Variants in MDGA2 observed in about 807,000 individuals in gnomAD.
The protein encoded by MDGA2 is MAM domain-containing glycosylphosphatidylinositol anchor protein 2.
Under a neutral mutation model 117.8 loss-of-function variants are expected in MDGA2, and 40 were observed. That is an observed-to-expected ratio of 0.34 (90% confidence interval 0.26 to 0.44). MDGA2 has a LOEUF of 0.44. Among genes scored for constraint, MDGA2 ranks in the 20% least tolerant of loss-of-function variants. The pLI is 1.00. For synonymous variants in MDGA2, 452 were observed against 439.0 expected (o/e 1.03, Z -0.37); for missense variants, 1,123 against 1,250.6 (o/e 0.90, Z 1.54).
At chr14:47,625,401 CTTATA>C (rs1276845792) in intron 1 of MDGA2, among the ~76,000 whole-genome samples, 2 of 152,130 alleles carry the variant, frequency 1.3e-5, no homozygotes, top group African/African-American at 4.8e-5. Flanking sequence ...CCTATTAAAA[CTTATA>C]TTAAATTGTA....
chr14:47,361,430 C>T (rs1481718832), intron 1 of MDGA2, among the ~76,000 whole-genome samples: 1 of 152,064 alleles, frequency 6.6e-6, no homozygotes, highest in Non-Finnish European at 1.5e-5. Context: ...TGAAGCCATC[C>T]AGTCTGTGGT....
chr14:47,105,341 C>A (rs1290626631), intron 5 of MDGA2, among the ~76,000 whole-genome samples: 2 of 151,934 alleles, frequency 1.3e-5, no homozygotes, highest in East Asian at 3.9e-4. Flanking sequence ...TGTGCCCCAA[C>A]CCCTTCTCTG....
At chr14:46,968,606 G>C (rs1319608123) in intron 8 of MDGA2, among the ~76,000 whole-genome samples, 1 of 151,980 alleles carries the variant, frequency 6.6e-6, no homozygotes, top group Non-Finnish European at 1.5e-5. Flanking sequence ...AGCCAAGGTG[G>C]GTGGATCACA....
At chr14:47,381,342 C>T (rs142393924) in intron 1 of MDGA2, among the ~76,000 whole-genome samples, 12,200 of 152,046 alleles carry the variant, frequency 0.08, 568 homozygotes, top group Non-Finnish European at 0.09. Context: ...TTCAACATAG[C>T]GTTGGAAGTT....
chr14:47,158,359 G>GGGGT lies in MDGA2; in HGVS notation c.596-14086_596-14085insACCC, dbSNP rs1555358926. The stretch of plus-strand genomic sequence containing the variant: ...CACATTTCTCAGAACATATCCCTGG[G>GGGGT]GTGGGTGTGTGTGTGTGTGTGTGTG... On this transcript the variant is annotated intron_variant, in intron 3 of 16. Transcript: ENST00000399232. Among the ~76,000 whole-genome samples the GGGGT allele has an allele frequency of 1.8e-4, 22 of 120,078 alleles. 1 individual carries two copies. The South Asian group carries it at 4.2e-3, about 23-fold the overall frequency. 78.8% of individuals were successfully genotyped at this position (120,078 alleles called of 152,430 possible). A position where few individuals can be genotyped will look rare whatever the true frequency, so the allele number is the denominator to read the frequency against.
At chr14:47,484,428 G>A (rs996303990) in intron 1 of MDGA2, among the ~76,000 whole-genome samples, 9 of 152,142 alleles carry the variant, frequency 5.9e-5, no homozygotes, top group Non-Finnish European at 1.2e-4. Context: ...CTAAATTAGT[G>A]CTTTAAAAGC....
intron 6 of MDGA2, among the ~76,000 whole-genome samples, chr14:47,081,372 A>C (rs1482871041): frequency 6.6e-6 from 1 of 152,142 alleles, no homozygotes; most frequent in Non-Finnish European, 1.5e-5. Context: ...ATAAAAATCA[A>C]ATATTTTCCA....
intron 2 of MDGA2, among the ~76,000 whole-genome samples, chr14:47,297,632 T>C (rs1889123742): frequency 6.6e-6 from 1 of 152,174 alleles, no homozygotes; most frequent in African/African-American, 2.4e-5. Context: ...AAACCCTTAC[T>C]TTCTTTCTTT....
chr14:47,015,559 G>A (rs149122263), intron 8 of MDGA2, among the ~76,000 whole-genome samples: 8 of 152,174 alleles, frequency 5.3e-5, no homozygotes, highest in African/African-American at 1.2e-4. Flanking sequence ...TGGAGAGTAG[G>A]TGTGGAAAAG....
chr14:47,273,726 C>G (rs1179760412), intron 2 of MDGA2, among the ~76,000 whole-genome samples: 10 of 152,148 alleles, frequency 6.6e-5, no homozygotes, highest in South Asian at 4.1e-4. Flanking sequence ...TGAATATTAA[C>G]ATTTTTAAAA....
At position 47,225,360 on chromosome 14, in the gene MDGA2, A is replaced by G. The variant is rs528842776; in HGVS notation, c.421-7165T>C. Among the ~76,000 whole-genome samples the G allele has an allele frequency of 3.5e-3, 532 of 151,662 alleles. 7 individuals are homozygous for G. Among genetic ancestry groups the G allele is most frequent in the African/African-American group, 0.012 (495 of 41,264 alleles). ...CATGCTGCTATAAAGACACATGCAC[A>G]CGTATGTTTATTGCGGCACTATTCA... On this transcript the variant is annotated intron_variant, in intron 2 of 16. Coordinates refer to ENST00000399232, the MANE Select transcript of MDGA2 (RefSeq NM_001113498.3).
At position 47,189,272 on chromosome 14, in the gene MDGA2, A is replaced by G. The variant is rs551692512; in HGVS notation, c.595+28749T>C. Reference sequence around the variant, plus strand: ...CAGCCACAAACACACGCTAAACTATATGAACAATTTTATCGGTGCTGCTAC... The same window carrying G: ...CAGCCACAAACACACGCTAAACTATGTGAACAATTTTATCGGTGCTGCTAC... On this transcript the variant is annotated intron_variant, in intron 3 of 16. Transcript: ENST00000399232. Among the ~76,000 whole-genome samples, 3 of 152,192 alleles carry G rather than the reference A, an allele frequency of 2.0e-5. No individual in the cohort carries two copies. The South Asian group carries it at 6.2e-4, about 32-fold the overall frequency.
intron 14 of MDGA2, among the ~76,000 whole-genome samples, chr14:46,866,541 G>A (rs1881769151): frequency 6.6e-6 from 1 of 152,080 alleles, no homozygotes; most frequent in Non-Finnish European, 1.5e-5. Context: ...ATTGACAAAT[G>A]GGATCTAATT....
chr14:47,152,525 A>G (rs956093120), intron 3 of MDGA2, among the ~76,000 whole-genome samples: 2 of 152,204 alleles, frequency 1.3e-5, no homozygotes, highest in African/African-American at 4.8e-5. Context: ...GTAATTTGCC[A>G]GTATATATGT....
chr14:47,548,255 T>G (rs1001984571), intron 1 of MDGA2, among the ~76,000 whole-genome samples: 5 of 152,312 alleles, frequency 3.3e-5, no homozygotes, highest in Admixed American at 6.5e-5. Context: ...GAAGTCTTTC[T>G]CAATTGAACC....
At chr14:47,474,856 G>A (rs574375030) in intron 1 of MDGA2, among the ~76,000 whole-genome samples, 10 of 152,238 alleles carry the variant, frequency 6.6e-5, no homozygotes, top group Admixed American at 4.6e-4. Flanking sequence ...AGACTTAAAT[G>A]TAAAACGCAA....
At chr14:47,144,624 A>C (rs1376730048) in intron 3 of MDGA2, among the ~76,000 whole-genome samples, 1 of 151,972 alleles carries the variant, frequency 6.6e-6, no homozygotes, top group Non-Finnish European at 1.5e-5. Flanking sequence ...AAAAAAATTA[A>C]TATCAGGCTG....
At chr14:47,545,414 C>G (rs979774114) in intron 1 of MDGA2, among the ~76,000 whole-genome samples, 1 of 151,904 alleles carries the variant, frequency 6.6e-6, no homozygotes, top group East Asian at 1.9e-4. Flanking sequence ...CTATAGATCA[C>G]AAAAGATTAG....
chr14:47,158,483 C>T (rs1594678489), intron 3 of MDGA2, among the ~76,000 whole-genome samples: 1 of 141,084 alleles, frequency 7.1e-6, no homozygotes, highest in Non-Finnish European at 1.5e-5. Flanking sequence ...TTATAGCAGC[C>T]TTTTTTTTTT....
Sources: allele counts gnomAD v4.1 joint callset (sites outside exome capture counted in the v4.1 genomes callset), GRCh38; gene constraint gnomAD v4.1.1; transcripts MANE v1.5; gene names NCBI Gene and HGNC (gene_info 2026-07-23, HGNC 2026-07-21).